The following PHF21B variants were observed in gnomAD, a reference collection of about 807,000 sequenced individuals.
PHF21B encodes the protein PHD finger protein 4.
In PHF21B, 22 loss-of-function variants were observed where a neutral mutation model predicts 62.2. That is an observed-to-expected ratio of 0.35 (90% confidence interval 0.25 to 0.51). The LOEUF (loss-of-function observed/expected upper bound fraction) is 0.51, where lower values mean the gene tolerates loss of function less well. PHF21B is among the 20% of genes least tolerant of loss of function. The probability of loss-of-function intolerance (pLI) is 0.97; values close to 1 mark genes in which losing one functional copy is unlikely to be tolerated. For synonymous variants in PHF21B, 341 were observed against 314.7 expected (o/e 1.08, Z -0.88); for missense variants, 701 against 707.9 (o/e 0.99, Z 0.11).
Position 44,967,690 on chromosome 22 carries a change from C to T in PHF21B, c.120+40855G>A, listed in dbSNP as rs73427780. On this transcript the variant is annotated intron_variant, in intron 2 of 12. Coordinates refer to ENST00000313237, the MANE Select transcript of PHF21B (RefSeq NM_138415.5). ...CCTCCACTAGGGAACCAATGTCATG[C>T]ACACAGTTTGTTAACTGAAGTCCAC... 5.8e-3 allele frequency among the ~76,000 whole-genome samples: 880 copies of T among 152,326 alleles called. 11 individuals carry two copies. Among genetic ancestry groups the T allele is most frequent in the African/African-American group, 0.02 (846 of 41,578 alleles).
At chr22:44,944,737 A>C (rs2072029769) in intron 2 of PHF21B, among the ~76,000 whole-genome samples, 2 of 152,254 alleles carry the variant, frequency 1.3e-5, no homozygotes, top group Admixed American at 6.5e-5. Context: ...AGCCAGGAAG[A>C]AACAAGCTGA....
chr22:44,904,504 G>GGGTATAAAATACTGAGTTGGC (rs1555934857), intron 5 of PHF21B, among the ~76,000 whole-genome samples: 6 of 144,052 alleles, frequency 4.2e-5, no homozygotes, highest in Admixed American at 1.4e-4. Context: ...CAACTTAACT[G>GGGTATAAAATACTGAGTTGGC]AGCTTCCAGA....
chr22:44,999,434 G>A (rs1166724042), intron 2 of PHF21B, among the ~76,000 whole-genome samples: 4 of 152,094 alleles, frequency 2.6e-5, no homozygotes, highest in African/African-American at 4.8e-5. Flanking sequence ...GCCCCGGCCA[G>A]CCACACACTC....
intron 2 of PHF21B, among the ~76,000 whole-genome samples, chr22:44,987,880 G>A (rs1292226379): frequency 6.6e-6 from 1 of 152,038 alleles, no homozygotes; most frequent in East Asian, 1.9e-4. Context: ...CCAGCAGGTG[G>A]GTAGATGGGA....
intron 2 of PHF21B, among the ~76,000 whole-genome samples, chr22:44,925,608 C>T (rs546876389): frequency 4.6e-5 from 7 of 152,308 alleles, no homozygotes; most frequent in East Asian, 3.9e-4. Context: ...TTATGCAATG[C>T]GGAGCCCATG....
chr22:44,948,005 T>C (rs559472201), intron 2 of PHF21B, among the ~76,000 whole-genome samples: 29 of 152,074 alleles, frequency 1.9e-4, no homozygotes, highest in African/African-American at 7.0e-4. Flanking sequence ...CTCCCCGCTG[T>C]TGTCCCTCCT....
intron 2 of PHF21B, among the ~76,000 whole-genome samples, chr22:44,937,239 G>A (rs4823265): frequency 0.032 from 4,939 of 152,242 alleles, 122 homozygotes; most frequent in Non-Finnish European, 0.049. Flanking sequence ...AACACACCCA[G>A]ACAAAATAAA....
chr22:44,901,636 A>G, intron 5 of PHF21B: 1 of 477,660 alleles, frequency 2.1e-6, no homozygotes, highest in Non-Finnish European at 3.4e-6. Flanking sequence ...CGAAGCCAAG[A>G]AGGCTGATGC....
rs1158848447 is a variant in PHF21B, at chr22:44,916,368, T to C, written c.476A>G (p.Asn159Ser). The change falls in exon 4 of 13, where the codon AAT (asparagine) becomes AGT (serine). Residue 159 changes from asparagine (N) to serine (S), a missense_variant. Coordinates refer to ENST00000313237, the MANE Select transcript of PHF21B (RefSeq NM_138415.5). ...AYAIISTSPSNAAAMAPSTAV... is the reference protein window; with the variant it reads ...AYAIISTSPSSAAAMAPSTAV... ...GGTGCTGGGGGCCATGGCGGCGGCA[T>C]TGCTGGGGGAGGTGGAGATGATGGC... 8 of 1,592,580 alleles carry C rather than the reference T, an allele frequency of 5.0e-6. No individual in the cohort carries two copies. The highest frequency in any genetic ancestry group is 1.1e-5 in the South Asian group (1 of 88,726).
chr22:44,906,579 A>G (rs1237304998), intron 5 of PHF21B, among the ~76,000 whole-genome samples: 1 of 152,332 alleles, frequency 6.6e-6, no homozygotes, highest in Non-Finnish European at 1.5e-5. Flanking sequence ...CTGGCCCCAG[A>G]GAGGGCTGCA....
intron 2 of PHF21B, among the ~76,000 whole-genome samples, chr22:44,954,478 TG>T (rs1194735877): frequency 6.6e-6 from 1 of 152,166 alleles, no homozygotes; most frequent in Admixed American, 6.5e-5. Context: ...CCGGCTCTGA[TG>T]GTCCAGCTGC....
intron 7 of PHF21B, among the ~76,000 whole-genome samples, chr22:44,891,645 AG>A (rs954474875): frequency 7.9e-5 from 12 of 152,226 alleles, no homozygotes; most frequent in Non-Finnish European, 1.5e-5. Flanking sequence ...TAGCTCAGGA[AG>A]GGCCGTCAGT....
intron 2 of PHF21B, among the ~76,000 whole-genome samples, chr22:44,937,066 A>C (rs2071864947): frequency 6.6e-6 from 1 of 151,978 alleles, no homozygotes; most frequent in Admixed American, 6.6e-5. Flanking sequence ...AGGTTTCACC[A>C]TGTTGGCCAG....
In PHF21B at chr22:44,882,851, G is replaced by T; in HGVS notation, c.*235C>A. On this transcript the variant is annotated 3_prime_UTR_variant, in exon 13 of 13. Coordinates refer to ENST00000313237, the MANE Select transcript of PHF21B (RefSeq NM_138415.5). ...GGGGGGAGACTGTGTGCCCCAGCCT[G>T]TCGTACCCCACCTGGCTCCTAGGTA... 1.9e-6 allele frequency: 1 copy of T among 519,116 alleles called. No homozygotes were observed. Among genetic ancestry groups the T allele is most frequent in the South Asian group, 2.7e-5 (1 of 36,902 alleles). The allele number at this position is 519,116 out of a possible 1,614,324, so 32.2% of individuals were successfully genotyped here.
chr22:44,901,646 C>T (rs1278563760), intron 5 of PHF21B: 1 of 500,680 alleles, frequency 2.0e-6, no homozygotes, highest in Non-Finnish European at 3.2e-6. Flanking sequence ...AAGGCTGATG[C>T]TGGTGGCAAG....
chr22:44,885,809 G>A, intron 11 of PHF21B, 54 bp downstream of exon 11: 1 of 1,564,314 alleles, frequency 6.4e-7, no homozygotes. Context: ...CAGAGGCCTG[G>A]GTGGGGGAGG....
chr22:44,976,793 G>GT (rs1271966660), intron 2 of PHF21B, among the ~76,000 whole-genome samples: 5 of 152,226 alleles, frequency 3.3e-5, no homozygotes, highest in Admixed American at 2.6e-4. Flanking sequence ...TCTAAAACGT[G>GT]TAACATTTGA....
chr22:44,919,615 C>T (rs1045732056), intron 3 of PHF21B, among the ~76,000 whole-genome samples: 1 of 152,238 alleles, frequency 6.6e-6, no homozygotes, highest in African/African-American at 2.4e-5. Flanking sequence ...TGAGGTCCCA[C>T]GACAGGCAGG....
chr22:44,945,008 A>G (rs1051092410), intron 2 of PHF21B, among the ~76,000 whole-genome samples: 4 of 116,428 alleles, frequency 3.4e-5, no homozygotes, highest in Non-Finnish European at 1.8e-5. Context: ...ATTCCTGCAT[A>G]CCGGGCTGCG....
Sources: gnomAD v4.1 joint callset for allele counts (sites outside exome capture counted in the v4.1 genomes callset) on GRCh38, gnomAD v4.1.1 for gene constraint, MANE v1.5 for transcripts, NCBI Gene and HGNC (gene_info 2026-07-23, HGNC 2026-07-21) for gene names.